FZD3: variants seen among roughly 807,000 people sequenced by gnomAD.
FZD3 encodes the protein frizzled-3.
FZD3 carries 30 observed loss-of-function variants against 60.7 expected under a neutral mutation model. The observed-to-expected ratio is 0.49, with a 90% CI of 0.37 to 0.67. FZD3 has a LOEUF of 0.67. Among genes scored for constraint, FZD3 ranks in the 30% least tolerant of loss-of-function variants. The pLI is 0.00. For synonymous variants in FZD3, 246 were observed against 275.2 expected (o/e 0.89, Z 1.05); for missense variants, 605 against 838.7 (o/e 0.72, Z 3.44).
chr8:28,499,513 C>T (rs941161733), intron 1 of FZD3, among the ~76,000 whole-genome samples: 9 of 151,944 alleles, frequency 5.9e-5, no homozygotes, highest in Middle Eastern at 3.4e-3. Flanking sequence ...TGTGTACTTA[C>T]GTGTTTACTT....
chr8:28,561,831 C>T (rs968403067), intron 7 of FZD3, among the ~76,000 whole-genome samples: 9 of 152,080 alleles, frequency 5.9e-5, no homozygotes, highest in African/African-American at 1.2e-4. Flanking sequence ...TGAAAGAGCA[C>T]GCTATAAAGC....
chr8:28,510,118 G>GTTTTTC (rs1554532824), intron 3 of FZD3, among the ~76,000 whole-genome samples: 2 of 146,798 alleles, frequency 1.4e-5, no homozygotes, highest in Admixed American at 1.4e-4. Context: ...TTTTGTTTTT[G>GTTTTTC]TTTTTTTGTT....
chr8:28,510,764 C>T (rs772195282), intron 3 of FZD3, among the ~76,000 whole-genome samples: 9 of 152,242 alleles, frequency 5.9e-5, no homozygotes, highest in Non-Finnish European at 7.4e-5. Context: ...GGGCCGGGCA[C>T]GGTGGCTCAG....
intron 4 of FZD3, among the ~76,000 whole-genome samples, chr8:28,523,084 C>T (rs1406614356): frequency 2.0e-5 from 3 of 152,120 alleles, no homozygotes; most frequent in African/African-American, 7.2e-5. Context: ...AGGGAACTTT[C>T]ATAGCAACCT....
At chr8:28,515,685 A>G (rs1336781051) in intron 3 of FZD3, among the ~76,000 whole-genome samples, 1 of 152,188 alleles carries the variant, frequency 6.6e-6, no homozygotes, top group Non-Finnish European at 1.5e-5. Flanking sequence ...GCCTCTTAGC[A>G]TGTTTGAGCC....
chr8:28,551,077 C>T (rs889235196), intron 5 of FZD3, among the ~76,000 whole-genome samples: 3 of 152,042 alleles, frequency 2.0e-5, no homozygotes, highest in African/African-American at 7.2e-5. Flanking sequence ...AAATATCTAT[C>T]ATCTATCTAG....
At chr8:28,548,226 A>AC (rs1388251540) in intron 5 of FZD3, among the ~76,000 whole-genome samples, 4 of 92,604 alleles carry the variant, frequency 4.3e-5, no homozygotes, top group Non-Finnish European at 8.8e-5. Context: ...TCTCCTTGAA[A>AC]TAAAGCTTTC....
rs1216125813 is a variant in FZD3, at chr8:28,567,932, A to G, written c.*4921A>G. ...ATATATGAAGAAGAATGTAGACCCT[A>G]TAATGTTTTTTGTCTTTGACTTTTT... On this transcript the variant is annotated 3_prime_UTR_variant, in exon 8 of 8. Transcript: ENST00000240093. The G allele has an allele frequency of 1.3e-5, 2 of 152,044 alleles. No homozygotes were observed. Among genetic ancestry groups the G allele is most frequent in the Admixed American group, 6.5e-5 (1 of 15,278 alleles). The allele number at this position is 152,044 out of a possible 1,614,324, so 9.4% of individuals were successfully genotyped here.
chr8:28,494,521 C>T (rs1473943688), intron 1 of FZD3, among the ~76,000 whole-genome samples, 178 bp downstream of exon 1: 1 of 151,990 alleles, frequency 6.6e-6, no homozygotes, highest in Admixed American at 6.5e-5. Flanking sequence ...GCGGCCACAA[C>T]AAAAGCCTTG....
At chr8:28,544,553 T>C (rs1805251135) in intron 5 of FZD3, among the ~76,000 whole-genome samples, 1 of 152,204 alleles carries the variant, frequency 6.6e-6, no homozygotes, top group South Asian at 2.1e-4. Context: ...TTACATTGTA[T>C]CTCATGAACT....
At chr8:28,533,483 A>G (rs1266546281) in intron 5 of FZD3, among the ~76,000 whole-genome samples, 2 of 152,242 alleles carry the variant, frequency 1.3e-5, no homozygotes, top group Non-Finnish European at 2.9e-5. Context: ...AATACATTTA[A>G]TAGTTACTTT....
intron 3 of FZD3, among the ~76,000 whole-genome samples, chr8:28,518,915 T>A (rs1388526641): frequency 2.0e-5 from 3 of 152,252 alleles, no homozygotes; most frequent in African/African-American, 7.2e-5. Context: ...TCTTTAGCAG[T>A]TCTCCAGTGG....
intron 3 of FZD3, among the ~76,000 whole-genome samples, chr8:28,520,281 G>C (rs1401707390): frequency 6.6e-6 from 1 of 150,650 alleles, no homozygotes; most frequent in African/African-American, 2.4e-5. Flanking sequence ...AAAATTTCTT[G>C]TAATCCCATC....
At chr8:28,526,442 C>T (rs891123043) in intron 4 of FZD3, among the ~76,000 whole-genome samples, 2 of 152,148 alleles carry the variant, frequency 1.3e-5, no homozygotes, top group African/African-American at 4.8e-5. Flanking sequence ...CTGTCTTTAT[C>T]ATTATCATTT....
At chr8:28,506,120 A>G (rs1222869337) in intron 3 of FZD3, among the ~76,000 whole-genome samples, 1 of 152,228 alleles carries the variant, frequency 6.6e-6, no homozygotes, top group Non-Finnish European at 1.5e-5. Flanking sequence ...GCATGGAGCA[A>G]TAATCAACAA....
In FZD3 at chr8:28,542,543, T is replaced by C. The variant is rs75216286; in HGVS notation, c.1405-9060T>C. Among the ~76,000 whole-genome samples the C allele has an allele frequency of 4.8e-3, 732 of 152,020 alleles. 28 individuals are homozygous for C. The East Asian group carries it at 0.094, about 19-fold the overall frequency. On this transcript the variant is annotated intron_variant, in intron 5 of 7. Coordinates refer to ENST00000240093, the MANE Select transcript of FZD3 (RefSeq NM_017412.4). The stretch of plus-strand genomic sequence containing the variant: ...ATCCCAGCTACTCGGGAGGCTGATG[T>C]AGGAGAATCGCTTGAACCCAGGAGG...
At chr8:28,552,054 GC>G in intron 6 of FZD3, among the ~76,000 whole-genome samples, 1 of 152,278 alleles carries the variant, frequency 6.6e-6, no homozygotes, top group East Asian at 1.9e-4. Flanking sequence ...GCAAATTAAT[GC>G]TTTTCTCTAC....
intron 7 of FZD3, among the ~76,000 whole-genome samples, chr8:28,558,322 G>T (rs1041893175): frequency 1.3e-5 from 2 of 152,118 alleles, no homozygotes; most frequent in African/African-American, 4.8e-5. Context: ...TGATAAGGAG[G>T]GAGGGAATCA....
intron 3 of FZD3, chr8:28,505,206 C>T (rs551514406): frequency 6.5e-6 from 1 of 154,772 alleles, no homozygotes; most frequent in Admixed American, 6.5e-5. Flanking sequence ...CAGGAACCAG[C>T]TTAGCAGGCA....
Sources: gnomAD v4.1 joint callset for allele counts (sites outside exome capture counted in the v4.1 genomes callset) on GRCh38, gnomAD v4.1.1 for gene constraint, MANE v1.5 for transcripts, NCBI Gene and HGNC (gene_info 2026-07-23, HGNC 2026-07-21) for gene names.